The following HEATR6 variants were observed in gnomAD, a reference collection of about 807,000 sequenced individuals.
The protein encoded by HEATR6 is HEAT repeat-containing protein 6.
A neutral mutation model predicts 132.8 loss-of-function variants in HEATR6; 106 were observed. The observed-to-expected ratio is 0.80, with a 90% CI of 0.68 to 0.94. HEATR6 has a LOEUF of 0.94. Among genes scored for constraint, HEATR6 ranks in the 40% least tolerant of loss-of-function variants. HEATR6 has a pLI of 0.00. For synonymous variants in HEATR6, 529 were observed against 537.8 expected, an observed-to-expected ratio of 0.98 and a Z score of 0.23; for missense variants, 1,339 against 1,425.1, an observed-to-expected ratio of 0.94 and a Z score of 0.97.
chr17:60,048,189 T>C lies in HEATR6; in HGVS notation c.2672+75A>G, dbSNP rs1320029076. 3 of 1,493,898 alleles carry C rather than the reference T, an allele frequency of 2.0e-6. No homozygotes were observed. The East Asian group carries it at 6.9e-5, about 35-fold the overall frequency. 92.5% of individuals were successfully genotyped at this position (1,493,898 alleles called of 1,614,324 possible). On this transcript the variant is annotated intron_variant, in intron 17 of 19. Coordinates refer to ENST00000184956, the MANE Select transcript of HEATR6 (RefSeq NM_022070.5). ...GCGGGAACTACTGCTGATTCTTTCA[T>C]GGTAGAGATCGAGGACATTCTCTTG...
At position 60,073,222 on chromosome 17, in the gene HEATR6, G is replaced by A. The variant is rs750744701; in HGVS notation, c.526C>T (p.Gln176Ter). The change falls in exon 4 of 20, where the codon CAG becomes TAG. Residue 176 changes from glutamine to a stop codon, truncating the protein, a stop_gained. Transcript: ENST00000184956. LOFTEE classifies it high-confidence loss of function. The stretch of plus-strand genomic sequence containing the variant: ...GCTCTCCTGACTTCAGGATCAGACT[G>A]AGCCAAGTCACTCAACTTCATTAAG... ...GLLMKLSDLA[Q>*]SDPEVRRAAV... The A allele has an allele frequency of 6.2e-7, 1 of 1,613,870 alleles. No homozygotes were observed. The highest frequency in any genetic ancestry group is 1.1e-5 in the South Asian group (1 of 91,078).
At chr17:60,069,616 G>T in intron 7 of HEATR6, 95 bp downstream of exon 7, 1 of 1,165,442 alleles carries the variant, frequency 8.6e-7, no homozygotes, top group Non-Finnish European at 1.2e-6. Context: ...TTCAAGGTAG[G>T]CTTTTAGGGT....
intron 9 of HEATR6, among the ~76,000 whole-genome samples, chr17:60,065,973 G>C (rs2083238222): frequency 6.6e-6 from 1 of 152,252 alleles, no homozygotes; most frequent in Non-Finnish European, 1.5e-5. Flanking sequence ...TTAGAATTCA[G>C]TGTGCTCAGG....
intron 11 of HEATR6, 70 bp downstream of exon 11, chr17:60,059,352 C>A: frequency 2.4e-6 from 2 of 832,380 alleles, no homozygotes; most frequent in Non-Finnish European, 4.0e-6. Context: ...ATATCTATAT[C>A]TGTATATTTT....
In HEATR6 at chr17:60,050,858, G is replaced by A. The variant is rs763220395; in HGVS notation, c.2409C>T (p.Ala803=). Reference sequence around the variant, plus strand: ...CTCACATTACCGGCAGATTGCTGAAGGCCTCTGGCAAGATGGAAGACAGGG... The same window carrying A: ...CTCACATTACCGGCAGATTGCTGAAAGCCTCTGGCAAGATGGAAGACAGGG... ...CDALSSILPE[A]FSNLPNDRQM... Residue 803 remains alanine (A), a synonymous_variant, in exon 15 of 20, where the codon GCC becomes GCT. Transcript: ENST00000184956. 4 of 1,614,090 alleles carry A rather than the reference G, an allele frequency of 2.5e-6. No individual in the cohort carries two copies. Among genetic ancestry groups the A allele is most frequent in the Non-Finnish European group, 3.4e-6 (4 of 1,180,038 alleles).
intron 4 of HEATR6, 70 bp downstream of exon 4, chr17:60,073,094 A>AACTACCTAC: frequency 2.4e-6 from 2 of 831,296 alleles, no homozygotes; most frequent in Non-Finnish European, 4.1e-6. Context: ...AGGCACAGGG[A>AACTACCTAC]ACTACCTACA....
At chr17:60,055,635 C>T in intron 13 of HEATR6, 34 bp from the exon 14 acceptor site, 1 of 1,488,498 alleles carries the variant, frequency 6.7e-7, no homozygotes, top group East Asian at 2.3e-5. Context: ...AGTGGAGCAT[C>T]AGAACTAATG....
Position 60,048,355 on chromosome 17 carries a change from T to G in HEATR6, c.2581A>C (p.Ile861Leu). 1 of 1,613,056 alleles carries G rather than the reference T, an allele frequency of 6.2e-7. No homozygotes were observed. The highest frequency in any genetic ancestry group is 8.5e-7 in the Non-Finnish European group (1 of 1,179,218). The part of the protein sequence containing the change: ...VIFVADAANA[I>L]LMSLEDKSLN... ...GACTTGTCTTCAAGTGACATCAATA[T>G]TGCATTTGCTGCGTCTGCAACAAAT... is the stretch of plus-strand genomic sequence containing the variant. Residue 861 changes from isoleucine to leucine, a missense_variant, in exon 17 of 20, where the codon ATA becomes CTA. By Grantham distance (5) the Ile-to-Leu change is conservative. Coordinates refer to ENST00000184956, the MANE Select transcript of HEATR6 (RefSeq NM_022070.5).
In HEATR6 at chr17:60,042,825, G is replaced by A. The variant is rs1282203066; in HGVS notation, c.*738C>T. On this transcript the variant is annotated 3_prime_UTR_variant, in exon 20 of 20. Coordinates refer to ENST00000184956, the MANE Select transcript of HEATR6 (RefSeq NM_022070.5). ...GCGTCCTGTGTGGCTGTGAGGCACC[G>A]TCAGCATCCTCGGTCCTGTGCGGCT... 1.8e-5 allele frequency among the ~76,000 whole-genome samples: 1 copy of A among 55,136 alleles called. No homozygotes were observed. 36.2% of individuals were successfully genotyped at this position (55,136 alleles called of 152,430 possible).
rs1598904013 is a variant in HEATR6, at chr17:60,046,219, T to C, written c.2780A>G (p.Asn927Ser). ...CAAATTTCCAAGGGCCCGGACTGCA[T>C]TGCTTTTTACCTAGAAAAAATGTAA... The part of the protein sequence containing the change: ...ASKDKDKVKS[N>S]AVRALGNLLH... Residue 927 changes from asparagine to serine, a missense_variant, in exon 19 of 20, where the codon AAT becomes AGT. Coordinates refer to ENST00000184956, the MANE Select transcript of HEATR6 (RefSeq NM_022070.5). 1.9e-6 allele frequency: 3 copies of C among 1,604,464 alleles called. No homozygotes were observed. The highest frequency in any genetic ancestry group is 1.3e-5 in the African/African-American group (1 of 74,260).
Position 60,059,872 on chromosome 17 carries a change from C to T in HEATR6, c.1623+18G>A, listed in dbSNP as rs1467321770. ...AAAACAGAGAAGCCTGCTCTGGAAC[C>T]CACAGTTGGTACATTACCTTAATTA... is the stretch of plus-strand genomic sequence containing the variant. On this transcript the variant is annotated intron_variant, in intron 10 of 19. Coordinates refer to ENST00000184956, the MANE Select transcript of HEATR6 (RefSeq NM_022070.5). 6.3e-7 allele frequency: 1 copy of T among 1,596,426 alleles called. No individual in the cohort carries two copies. Among genetic ancestry groups the T allele is most frequent in the Non-Finnish European group, 8.6e-7 (1 of 1,164,504 alleles).
chr17:60,078,282 T>C (rs2083306439), intron 1 of HEATR6, among the ~76,000 whole-genome samples: 1 of 152,214 alleles, frequency 6.6e-6, no homozygotes, highest in South Asian at 2.1e-4. Context: ...CTTCAGTATT[T>C]TCATTAGCAA....
In HEATR6 at chr17:60,067,738, T is replaced by C. The variant is rs561234515; in HGVS notation, c.940-6A>G. ...TTGGATTTTTTCTTTTTATTCTGAT[T>C]GTGGGAGCAAATGAAGACATATATA... is the stretch of plus-strand genomic sequence containing the variant. On this transcript the variant is annotated splice_polypyrimidine_tract_variant and splice_region_variant and intron_variant, in intron 7 of 19. Coordinates refer to ENST00000184956, the MANE Select transcript of HEATR6 (RefSeq NM_022070.5). The C allele has an allele frequency of 3.1e-6, 5 of 1,606,620 alleles. No homozygotes were observed. The South Asian group carries it at 4.5e-5, about 14-fold the overall frequency.
intron 5 of HEATR6, among the ~76,000 whole-genome samples, chr17:60,071,163 T>G (rs1306159007): frequency 1.3e-5 from 2 of 152,188 alleles, no homozygotes; most frequent in Non-Finnish European, 2.9e-5. Flanking sequence ...CTCTGTAATA[T>G]GGCAAACCCA....
At chr17:60,074,905 T>C (rs532635641) in intron 2 of HEATR6, among the ~76,000 whole-genome samples, 37 of 152,330 alleles carry the variant, frequency 2.4e-4, no homozygotes, top group Admixed American at 1.6e-3. Context: ...AACCCTGATG[T>C]AGGCTAACTG....
intron 11 of HEATR6, among the ~76,000 whole-genome samples, chr17:60,059,092 C>T (rs906014530): frequency 2.6e-5 from 4 of 152,168 alleles, no homozygotes; most frequent in African/African-American, 9.7e-5. Context: ...CCATCCTCTA[C>T]CTATGTGTAA....
chr17:60,062,237 C>T (rs978119778), intron 9 of HEATR6, among the ~76,000 whole-genome samples: 31 of 152,170 alleles, frequency 2.0e-4, no homozygotes, highest in African/African-American at 7.5e-4. Context: ...TTTACCAGTC[C>T]TAATCAGCAC....
chr17:60,058,891 T>C (rs1361419734), intron 11 of HEATR6, among the ~76,000 whole-genome samples: 1 of 152,206 alleles, frequency 6.6e-6, no homozygotes, highest in Non-Finnish European at 1.5e-5. Flanking sequence ...AAGGCAAGTG[T>C]TTATAGCACA....
At position 60,057,212 on chromosome 17, in the gene HEATR6, T is replaced by C. The variant is rs1906773252; in HGVS notation, c.1915A>G (p.Thr639Ala). 6.2e-7 allele frequency: 1 copy of C among 1,614,156 alleles called. No individual in the cohort carries two copies. Among genetic ancestry groups the C allele is most frequent in the Non-Finnish European group, 8.5e-7 (1 of 1,180,024 alleles). Residue 639 changes from threonine (T) to alanine (A), a missense_variant, in exon 12 of 20, where the codon ACG becomes GCG. Thr to Ala is a moderately conservative substitution (Grantham distance 58, BLOSUM62 0). Transcript: ENST00000184956. Reference sequence around the variant, plus strand: ...GACCCCTTAGGTGAGCTAACTGACGTTTCTTCCAGAGAGGGTCCTGCAGGG... The same window carrying C: ...GACCCCTTAGGTGAGCTAACTGACGCTTCTTCCAGAGAGGGTCCTGCAGGG... ...KAPAGPSLEE[T>A]SVSSPKGSSE...
Sources: gnomAD v4.1 joint callset for allele counts (sites outside exome capture counted in the v4.1 genomes callset) on GRCh38, gnomAD v4.1.1 for gene constraint, MANE v1.5 for transcripts, NCBI Gene and HGNC (gene_info 2026-07-23, HGNC 2026-07-21) for gene names.